Variants in CCDC117 observed in about 807,000 individuals in gnomAD.
The protein encoded by CCDC117 is coiled-coil domain-containing protein 117.
CCDC117 carries 1 observed loss-of-function variant against 23.5 expected under a neutral mutation model. The ratio of observed to expected loss-of-function variants is 0.04; its 90% CI spans 0.02 to 0.20. The LOEUF (loss-of-function observed/expected upper bound fraction) is 0.20, where lower values mean the gene tolerates loss of function less well. Ranked by LOEUF, CCDC117 falls within the 10% of genes least tolerant of loss-of-function variation. The pLI is 1.00. For missense variants in CCDC117, 383 were observed against 348.2 expected, an observed-to-expected ratio of 1.10 and a Z score of -0.80; for synonymous variants, 132 against 124.8, an observed-to-expected ratio of 1.06 and a Z score of -0.39.
chr22:28,780,884 G>A (rs1322309223), intron 2 of CCDC117, 64 bp from the exon 3 acceptor site: 2 of 1,210,608 alleles, frequency 1.7e-6, no homozygotes, highest in East Asian at 2.5e-5. Context: ...ATTGGAGATA[G>A]GAATGATAAA....
intron 3 of CCDC117, among the ~76,000 whole-genome samples, chr22:28,782,250 CTTTTTTTTT>C (rs34670753): frequency 1.4e-4 from 11 of 80,318 alleles, no homozygotes; most frequent in African/African-American, 6.1e-4. Flanking sequence ...TCTACTGAGC[CTTTTTTTTT>C]TTTTTTTTTT....
chr22:28,780,938 T>C lies in CCDC117; in HGVS notation c.240-10T>C. On this transcript the variant is annotated splice_polypyrimidine_tract_variant and intron_variant, in intron 2 of 4. Transcript: ENST00000249064. ...TGGGATTTTCATTGAATTTTTTTTC[T>C]TTTTTTCAGTTGTCCAGTAAGAAAG... is the stretch of plus-strand genomic sequence containing the variant. 6.3e-7 allele frequency: 1 copy of C among 1,589,832 alleles called. No individual in the cohort carries two copies. The highest frequency in any genetic ancestry group is 8.6e-7 in the Non-Finnish European group (1 of 1,164,046).
In CCDC117 at chr22:28,781,094, T is replaced by G. The variant is rs1050419946; in HGVS notation, c.386T>G (p.Ile129Ser). 1 of 1,613,880 alleles carries G rather than the reference T, an allele frequency of 6.2e-7. No homozygotes were observed. The highest frequency in any genetic ancestry group is 8.5e-7 in the Non-Finnish European group (1 of 1,180,004). The change falls in exon 3 of 5, where the codon ATT becomes AGT. Residue 129 changes from isoleucine to serine, a missense_variant. Physicochemically the swap from Ile to Ser is moderately radical, Grantham distance 142. Transcript: ENST00000249064. ...GLSIPGILDV[I>S]CEEMDQTTGE... is the part of the protein sequence containing the mutation. ...TCCATACCTGGGATATTAGATGTTA[T>G]TTGTGAAGAAATGGATCAGACAACT...
rs866916575 is a variant in CCDC117 at position 28,774,976 on chromosome 22, A to G, written c.239+1198A>G. 2.6e-5 allele frequency among the ~76,000 whole-genome samples: 4 copies of G among 152,198 alleles called. No homozygotes were observed. In the Middle Eastern group the frequency reaches 0.014, roughly 518 times the overall value. On this transcript the variant is annotated intron_variant, in intron 2 of 4. Coordinates refer to ENST00000249064, the MANE Select transcript of CCDC117 (RefSeq NM_173510.4). ...TACGTAATTTCTCTTTCAATAGTTGAGTGGAGGCCAGGCGTGGTGGCTCAC... is the reference window on the plus strand; with the variant it reads ...TACGTAATTTCTCTTTCAATAGTTGGGTGGAGGCCAGGCGTGGTGGCTCAC...
Position 28,781,021 on chromosome 22 carries a change from C to T in CCDC117, c.313C>T (p.His105Tyr). ...TCCTAATGACTGGATTCTTTGTGCA[C>T]ATCAGGATGTAGAGGGGCATGGAGT... ...AGPNDWILCAHQDVEGHGVNP... is the reference protein window; with the variant it reads ...AGPNDWILCAYQDVEGHGVNP... The change falls in exon 3 of 5, where the codon CAT becomes TAT. Residue 105 changes from histidine (H) to tyrosine (Y), a missense_variant. Physicochemically the swap from His to Tyr is moderately conservative, Grantham distance 83. Transcript: ENST00000249064. The T allele has an allele frequency of 2.5e-6, 4 of 1,613,994 alleles. No individual in the cohort carries two copies. The highest frequency in any genetic ancestry group is 1.1e-5 in the South Asian group (1 of 91,080).
chr22:28,778,435 T>C (rs6005875), intron 2 of CCDC117, among the ~76,000 whole-genome samples: 17,684 of 151,930 alleles, frequency 0.12, 1,512 homozygotes, highest in East Asian at 0.28. Flanking sequence ...TGGTGAAACC[T>C]CTTCTCTCTT....
At chr22:28,782,704 T>C (rs1312302992) in intron 3 of CCDC117, among the ~76,000 whole-genome samples, 1 of 152,184 alleles carries the variant, frequency 6.6e-6, no homozygotes, top group Non-Finnish European at 1.5e-5. Flanking sequence ...CCCAGAGGGC[T>C]GGGATTACAG....
At chr22:28,782,046 G>T in intron 3 of CCDC117, among the ~76,000 whole-genome samples, 1 of 143,926 alleles carries the variant, frequency 6.9e-6, no homozygotes, top group East Asian at 2.1e-4. Flanking sequence ...CAACCCATCT[G>T]CCCCCCTCAG....
Position 28,785,177 on chromosome 22 carries a change from C to CTTGTTTTGTTTTGTT in CCDC117, c.603-902_603-888dup, listed in dbSNP as rs57485961. Among the ~76,000 whole-genome samples the CTTGTTTTGTTTTGTT allele has an allele frequency of 6.8e-3, 1,029 of 151,244 alleles. 3 individuals are homozygous for CTTGTTTTGTTTTGTT. The highest frequency in any genetic ancestry group is 9.4e-3 in the Non-Finnish European group (639 of 67,862). The stretch of plus-strand genomic sequence containing the variant: ...TAGTCATTTTGCCTTAACCATGAAG[C>CTTGTTTTGTTTTGTT]TTGTTTTGTTTTGTTTTGTTTTGTG... On this transcript the variant is annotated intron_variant, in intron 4 of 4. Coordinates refer to ENST00000249064, the MANE Select transcript of CCDC117 (RefSeq NM_173510.4).
In CCDC117 at chr22:28,785,152, TA is replaced by T. The variant is rs547316259; in HGVS notation, c.603-936del. ...TCCCTGCCACAGTGTGTGTGTAACA[TA>T]GTCATTTTGCCTTAACCATGAAGCT... On this transcript the variant is annotated intron_variant, in intron 4 of 4. Transcript: ENST00000249064. Among the ~76,000 whole-genome samples, 112 of 152,012 alleles carry T rather than the reference TA, an allele frequency of 7.4e-4. 1 individual carries two copies. In the South Asian group the frequency reaches 0.022, roughly 30 times the overall value.
At position 28,783,639 on chromosome 22, in the gene CCDC117, A is replaced by C; in HGVS notation, c.596A>C (p.Glu199Ala). 1 of 1,611,982 alleles carries C rather than the reference A, an allele frequency of 6.2e-7. No homozygotes were observed. The highest frequency in any genetic ancestry group is 8.5e-7 in the Non-Finnish European group (1 of 1,179,364). Residue 199 changes from glutamate to alanine, a missense_variant, in exon 4 of 5, where the codon GAG becomes GCG. By Grantham distance (107) the Glu-to-Ala change is moderately radical. Coordinates refer to ENST00000249064, the MANE Select transcript of CCDC117 (RefSeq NM_173510.4). ...GAAGTTTTTACAAAGAAAATGATTG[A>C]GTCTATGTAAGTTTTGGTACCTGAT... ...FDEVFTKKMI[E>A]SMSRPSMELV...
In CCDC117 at chr22:28,786,418, T is replaced by A; in HGVS notation, c.*92T>A. On this transcript the variant is annotated 3_prime_UTR_variant, in exon 5 of 5. Transcript: ENST00000249064. Reference sequence around the variant, plus strand: ...GCATAGTATAGGGACTTGAAAGTTTTATGAGACGGGTGTAATAATATCTCC... The same window carrying A: ...GCATAGTATAGGGACTTGAAAGTTTAATGAGACGGGTGTAATAATATCTCC... 2.4e-6 allele frequency: 2 copies of A among 836,888 alleles called. No individual in the cohort carries two copies. The highest frequency in any genetic ancestry group is 3.6e-5 in the South Asian group (2 of 55,032). 51.8% of individuals were successfully genotyped at this position (836,888 alleles called of 1,614,324 possible).
intron 2 of CCDC117, among the ~76,000 whole-genome samples, chr22:28,778,501 G>T (rs985675337): frequency 6.6e-6 from 1 of 151,990 alleles, no homozygotes; most frequent in Non-Finnish European, 1.5e-5. Context: ...CCAGCTACTC[G>T]GGGGGCTGAG....
intron 2 of CCDC117, among the ~76,000 whole-genome samples, chr22:28,780,474 C>CT (rs1368468731): frequency 6.6e-6 from 1 of 152,126 alleles, no homozygotes; most frequent in African/African-American, 2.4e-5. Flanking sequence ...CTTTTGGTTT[C>CT]TTTTTTTCAT....
intron 3 of CCDC117, among the ~76,000 whole-genome samples, chr22:28,782,980 A>T (rs1017951029): frequency 2.6e-5 from 4 of 152,196 alleles, no homozygotes; most frequent in Non-Finnish European, 4.4e-5. Flanking sequence ...CTGAAATATT[A>T]TTCAGATTTG....
At chr22:28,781,335 G>GTTTTTTTTGTTTTT (rs2031317486) in intron 3 of CCDC117, among the ~76,000 whole-genome samples, 163 bp downstream of exon 3, 1 of 14,824 alleles carries the variant, frequency 6.7e-5, no homozygotes, top group Non-Finnish European at 9.9e-5. Context: ...TTTTTGTTTT[G>GTTTTTTTTGTTTTT]TTTTTTTTTT....
chr22:28,779,792 G>C (rs2031268032), intron 2 of CCDC117, among the ~76,000 whole-genome samples: 1 of 152,188 alleles, frequency 6.6e-6, no homozygotes, highest in Non-Finnish European at 1.5e-5. Context: ...CAGAGGCTGT[G>C]GTAGCCATTA....
At position 28,786,677 on chromosome 22, in the gene CCDC117, A is replaced by G. The variant is rs1487892689; in HGVS notation, c.*351A>G. ...ACTTGGAGAATATTCTCCTTGAATT[A>G]AAAAAGATGATTAAGAAGGATGCTC... is the stretch of plus-strand genomic sequence containing the variant. On this transcript the variant is annotated 3_prime_UTR_variant, in exon 5 of 5. Transcript: ENST00000249064. 1 of 205,238 alleles carries G rather than the reference A, an allele frequency of 4.9e-6. No individual in the cohort carries two copies. Among genetic ancestry groups the G allele is most frequent in the African/African-American group, 2.3e-5 (1 of 42,696 alleles). The allele number at this position is 205,238 out of a possible 1,614,324, so 12.7% of individuals were successfully genotyped here.
chr22:28,784,416 G>A (rs1228473352), intron 4 of CCDC117, among the ~76,000 whole-genome samples: 1 of 152,258 alleles, frequency 6.6e-6, no homozygotes, highest in Non-Finnish European at 1.5e-5. Context: ...TAGTAAGGAA[G>A]TTAGTTATAA....
Sources: gnomAD v4.1 joint callset for allele counts (sites outside exome capture counted in the v4.1 genomes callset) on GRCh38, gnomAD v4.1.1 for gene constraint, MANE v1.5 for transcripts, NCBI Gene and HGNC (gene_info 2026-07-23, HGNC 2026-07-21) for gene names.